The following CTNNB1 variants were observed in gnomAD, a reference collection of about 807,000 sequenced individuals.
The protein encoded by CTNNB1 is catenin beta-1.
Under a neutral mutation model 82.5 loss-of-function variants are expected in CTNNB1, and 6 were observed. The observed-to-expected ratio is 0.07, with a 90% confidence interval of 0.04 to 0.14. The LOEUF is 0.14. Among genes scored for constraint, CTNNB1 ranks in the 10% least tolerant of loss-of-function variants. The pLI is 1.00. For synonymous variants in CTNNB1, 312 were observed against 329.7 expected (o/e 0.95, Z 0.58); for missense variants, 529 against 980.4 (o/e 0.54, Z 6.15).
chr3:41,210,968 T>C (rs369762745), intron 1 of CTNNB1: 1 of 450,288 alleles, frequency 2.2e-6, no homozygotes, highest in Non-Finnish European at 4.5e-6. Context: ...TTAAAAAAAA[T>C]TTTTTGTAGA....
Position 41,240,309 on chromosome 3 carries a change from G to A in CTNNB1, c.*967G>A, listed in dbSNP as rs2078553661. On this transcript the variant is annotated 3_prime_UTR_variant, in exon 15 of 15. Transcript: ENST00000349496. ...TGGGTAGGGTAAATCAGTAAGAGGT[G>A]TTATTTGGAACCTTGTTTTGGACAG... 1 of 191,948 alleles carries A rather than the reference G, an allele frequency of 5.2e-6. No individual in the cohort carries two copies. 11.9% of individuals were successfully genotyped at this position (191,948 alleles called of 1,614,324 possible).
chr3:41,230,604 G>A (rs2078284523), intron 7 of CTNNB1, among the ~76,000 whole-genome samples: 1 of 152,324 alleles, frequency 6.6e-6, no homozygotes, highest in East Asian at 1.9e-4. Flanking sequence ...ATTAGAATGA[G>A]TGTTATGGGA....
chr3:41,237,840 A>G (rs2078475571), intron 13 of CTNNB1, 176 bp from the exon 14 acceptor site: 1 of 615,636 alleles, frequency 1.6e-6, no homozygotes, highest in Admixed American at 2.8e-5. Context: ...AGAGAAAAAA[A>G]AATGTATCTT....
intron 1 of CTNNB1, among the ~76,000 whole-genome samples, chr3:41,213,012 G>A (rs1575296094): frequency 6.6e-6 from 1 of 152,074 alleles, no homozygotes; most frequent in South Asian, 2.1e-4. Flanking sequence ...TAGTCAGCAC[G>A]AGATTTTAAA....
At chr3:41,227,733 G>A (rs1575320957) in intron 7 of CTNNB1, among the ~76,000 whole-genome samples, 1 of 145,322 alleles carries the variant, frequency 6.9e-6, no homozygotes, top group African/African-American at 2.6e-5. Context: ...AGCAGTTTTT[G>A]TTTTGTTTTA....
intron 2 of CTNNB1, 68 bp from the exon 3 acceptor site, chr3:41,224,458 G>T: frequency 7.0e-7 from 1 of 1,426,660 alleles, no homozygotes; most frequent in Non-Finnish European, 9.7e-7. Flanking sequence ...TCATATCACA[G>T]ATTCTTTTTT....
At chr3:41,209,630 A>G (rs890607903) in intron 1 of CTNNB1, among the ~76,000 whole-genome samples, 3 of 152,226 alleles carry the variant, frequency 2.0e-5, no homozygotes, top group African/African-American at 7.2e-5. Flanking sequence ...ACAAACCTAG[A>G]TGGTATAGCC....
chr3:41,217,415 T>C (rs1351463140), intron 1 of CTNNB1, among the ~76,000 whole-genome samples: 1 of 152,248 alleles, frequency 6.6e-6, no homozygotes, highest in Non-Finnish European at 1.5e-5. Flanking sequence ...CTCATTGTTA[T>C]TGTAATACCA....
At chr3:41,238,603 C>A (rs1266629491) in intron 14 of CTNNB1, among the ~76,000 whole-genome samples, 1 of 152,130 alleles carries the variant, frequency 6.6e-6, no homozygotes, top group Admixed American at 6.5e-5. Context: ...ACCACTAAAG[C>A]GCAGATTCTT....
At chr3:41,236,317 T>G in intron 11 of CTNNB1, 32 bp from the exon 12 acceptor site, 4 of 1,613,998 alleles carry the variant, frequency 2.5e-6, no homozygotes, top group Non-Finnish European at 3.4e-6. Context: ...AGCTTTAGAT[T>G]TAATTAGGTT....
Position 41,224,039 on chromosome 3 carries a change from T to C in CTNNB1, c.-30T>C, listed in dbSNP as rs751477759. ...TTTTTAGGGTATTTGAAGTATACCA[T>C]ACAACTGTTTTGAAAATCCAGCGTG... On this transcript the variant is annotated 5_prime_UTR_variant, in exon 2 of 15. Transcript: ENST00000349496. 2 of 1,612,470 alleles carry C rather than the reference T, an allele frequency of 1.2e-6. No homozygotes were observed. Among genetic ancestry groups the C allele is most frequent in the South Asian group, 2.2e-5 (2 of 91,038 alleles).
At position 41,233,676 on chromosome 3, in the gene CTNNB1, G is replaced by C. The variant is rs747602570; in HGVS notation, c.1333G>C (p.Glu445Gln). Residue 445 changes from glutamate (E) to glutamine (Q), a missense_variant, in exon 9 of 15, where the codon GAG (glutamate) becomes CAG (glutamine). Physicochemically the swap from Glu to Gln is conservative, Grantham distance 29 (BLOSUM62 2). Transcript: ENST00000349496. ...KMMVCQVGGIEALVRTVLRAG... is the reference protein window; with the variant it reads ...KMMVCQVGGIQALVRTVLRAG... ...GATGGTCTGCCAAGTGGGTGGTATA[G>C]AGGCTCTTGTGCGTACTGTCCTTCG... is the stretch of plus-strand genomic sequence containing the variant. The C allele has an allele frequency of 6.2e-7, 1 of 1,614,132 alleles. No homozygotes were observed. The highest frequency in any genetic ancestry group is 2.2e-5 in the East Asian group (1 of 44,872).
rs144545217 is a variant in CTNNB1, at chr3:41,215,470, C to G, written c.-48-8551C>G. On this transcript the variant is annotated intron_variant, in intron 1 of 14. Coordinates refer to ENST00000349496, the MANE Select transcript of CTNNB1 (RefSeq NM_001904.4). ...CTCCATATTACATTTTGTGTGTTCT[C>G]CTGTTCACATTTTGAGCATTTTATT... is the stretch of plus-strand genomic sequence containing the variant. Among the ~76,000 whole-genome samples the G allele has an allele frequency of 7.7e-3, 1,147 of 149,778 alleles. 23 individuals are homozygous for G. Among genetic ancestry groups the G allele is most frequent in the African/African-American group, 0.027 (1,084 of 40,904 alleles).
intron 11 of CTNNB1, 49 bp downstream of exon 11, chr3:41,235,892 G>A (rs2125645329): frequency 1.9e-6 from 3 of 1,605,892 alleles, no homozygotes; most frequent in Non-Finnish European, 8.5e-7. Context: ...AAAATTTCCA[G>A]ATTGTAATGA....
rs1388592279 is a variant in CTNNB1, at chr3:41,209,316, G to C, written c.-49+9646G>C. 2.0e-5 allele frequency among the ~76,000 whole-genome samples: 3 copies of C among 152,132 alleles called. 1 individual carries two copies. Among genetic ancestry groups the C allele is most frequent in the African/African-American group, 7.2e-5 (3 of 41,420 alleles). On this transcript the variant is annotated intron_variant, in intron 1 of 14. Coordinates refer to ENST00000349496, the MANE Select transcript of CTNNB1 (RefSeq NM_001904.4). ...ATTGGTATCCTTAAACTGGTATCCA[G>C]CTATTTTTTGGTCAGCATTTTGGAT...
chr3:41,224,793 A>G (rs2125618695), intron 3 of CTNNB1, 40 bp downstream of exon 3: 2 of 1,603,554 alleles, frequency 1.2e-6, no homozygotes, highest in South Asian at 1.1e-5. Flanking sequence ...GAAAGTCAGA[A>G]TGCAGTTTTG....
rs975378240 is a variant in CTNNB1 at position 41,225,459 on chromosome 3, T to C, written c.621T>C (p.Asp207=). The C allele has an allele frequency of 6.2e-7, 1 of 1,613,990 alleles. No individual in the cohort carries two copies. The highest frequency in any genetic ancestry group is 1.7e-5 in the Admixed American group (1 of 59,920). The change falls in exon 5 of 15, where the codon GAT becomes GAC. Residue 207 remains aspartate (D), a synonymous_variant. Transcript: ENST00000349496. This position sits in a 1 kb window ranked among gnomAD's most constrained non-coding sequence, Gnocchi z 5.3. ...AIVRTMQNTN[D]VETARCTAGT... The stretch of plus-strand genomic sequence containing the variant: ...TACGTACCATGCAGAATACAAATGA[T>C]GTAGAAACAGCTCGTTGTACCGCTG...
intron 3 of CTNNB1, 62 bp downstream of exon 3, chr3:41,224,815 G>C: frequency 1.9e-6 from 3 of 1,594,012 alleles, no homozygotes; most frequent in Non-Finnish European, 2.6e-6. Context: ...GAACTAAAAA[G>C]TTAGTGTATA....
At position 41,239,274 on chromosome 3, in the gene CTNNB1, C is replaced by T. The variant is rs980453294; in HGVS notation, c.2278C>T (p.Gln760Ter). 6.2e-7 allele frequency: 1 copy of T among 1,614,192 alleles called. No homozygotes were observed. Residue 760 changes from glutamine to a stop codon, truncating the protein, a stop_gained, in exon 15 of 15, where the codon CAG becomes TAG. Coordinates refer to ENST00000349496, the MANE Select transcript of CTNNB1 (RefSeq NM_001904.4). LOFTEE classifies it high-confidence loss of function. ...VDGLPDLGHAQDLMDGLPPGD... is the reference protein window; with the variant it reads ...VDGLPDLGHA The stretch of plus-strand genomic sequence containing the variant: ...TGGGCTGCCAGATCTGGGGCATGCC[C>T]AGGACCTCATGGATGGGCTGCCTCC...
Sources: allele counts gnomAD v4.1 joint callset (sites outside exome capture counted in the v4.1 genomes callset), GRCh38; gene constraint gnomAD v4.1.1; non-coding constraint Gnocchi (gnomAD v3.1); transcripts MANE v1.5; gene names NCBI Gene and HGNC (gene_info 2026-07-23, HGNC 2026-07-21).